Variants in CNOT6L observed in about 807,000 individuals in gnomAD.
CNOT6L encodes CCR4-NOT transcription complex subunit 6-like.
Under a neutral mutation model 64.0 loss-of-function variants are expected in CNOT6L, and 7 were observed. The ratio of observed to expected loss-of-function variants is 0.11; its 90% CI spans 0.06 to 0.21. The LOEUF (loss-of-function observed/expected upper bound fraction) is 0.21, where lower values mean the gene tolerates loss of function less well. Among genes scored for constraint, CNOT6L ranks in the 10% least tolerant of loss-of-function variants. CNOT6L has a pLI of 1.00. For missense variants in CNOT6L, 245 were observed against 669.0 expected (o/e 0.37, Z 6.99); for synonymous variants, 193 against 243.4 (o/e 0.79, Z 1.93).
At position 77,715,878 on chromosome 4, in the gene CNOT6L, A is replaced by G. The variant is rs1720698928; in HGVS notation, c.*4553T>C. ...ATTAGAACTTTGGTAAATAAGACAG[A>G]TTAAAGATGTACTAAAATGTTTGAA... On this transcript the variant is annotated 3_prime_UTR_variant, in exon 12 of 12. Coordinates refer to ENST00000504123, the MANE Select transcript of CNOT6L (RefSeq NM_144571.3). 6.6e-6 allele frequency: 1 copy of G among 152,426 alleles called. No homozygotes were observed. The highest frequency in any genetic ancestry group is 2.1e-4 in the South Asian group (1 of 4,804). 9.4% of individuals were successfully genotyped at this position (152,426 alleles called of 1,614,324 possible).
intron 1 of CNOT6L, among the ~76,000 whole-genome samples, chr4:77,794,640 G>T (rs1730593781): frequency 1.3e-5 from 2 of 152,084 alleles, no homozygotes; most frequent in Non-Finnish European, 1.5e-5. Flanking sequence ...CCTGATAAAT[G>T]GCATCAATGA....
At chr4:77,798,013 T>C (rs1014688594) in intron 1 of CNOT6L, among the ~76,000 whole-genome samples, 32 of 152,194 alleles carry the variant, frequency 2.1e-4, no homozygotes, top group African/African-American at 7.5e-4. Context: ...TCAAGAACTT[T>C]TGCTCCTTGA....
intron 8 of CNOT6L, among the ~76,000 whole-genome samples, chr4:77,734,883 T>C (rs1722785813): frequency 6.6e-6 from 1 of 152,120 alleles, no homozygotes; most frequent in Non-Finnish European, 1.5e-5. Flanking sequence ...CTCAAAATAA[T>C]TAAATTTCTC....
At chr4:77,777,854 A>G (rs1375257524) in intron 1 of CNOT6L, among the ~76,000 whole-genome samples, 1 of 152,238 alleles carries the variant, frequency 6.6e-6, no homozygotes, top group East Asian at 1.9e-4. Context: ...AAGCTAGTTT[A>G]TAAGAATGCA....
chr4:77,745,892 T>A (rs577226338), intron 6 of CNOT6L, among the ~76,000 whole-genome samples: 32 of 152,356 alleles, frequency 2.1e-4, no homozygotes, highest in African/African-American at 7.7e-4. Context: ...CTGTTTCAGA[T>A]GATGGAAAAG....
At chr4:77,740,215 A>T (rs1218982195) in intron 8 of CNOT6L, among the ~76,000 whole-genome samples, 1 of 152,078 alleles carries the variant, frequency 6.6e-6, no homozygotes, top group Non-Finnish European at 1.5e-5. Context: ...TACAAAAAAT[A>T]CAAAAATTAG....
intron 1 of CNOT6L, among the ~76,000 whole-genome samples, chr4:77,778,782 C>A (rs537652056): frequency 1.3e-5 from 2 of 151,360 alleles, no homozygotes; most frequent in Admixed American, 6.6e-5. Context: ...CGGTGGCTCA[C>A]GCATGTAATC....
At chr4:77,798,450 G>A (rs946202303) in intron 1 of CNOT6L, among the ~76,000 whole-genome samples, 2 of 152,128 alleles carry the variant, frequency 1.3e-5, no homozygotes, top group African/African-American at 4.8e-5. Flanking sequence ...TTTCTAATGG[G>A]CAAAACATTT....
intron 1 of CNOT6L, among the ~76,000 whole-genome samples, chr4:77,799,492 G>C (rs1731255982): frequency 6.6e-6 from 1 of 151,992 alleles, no homozygotes; most frequent in African/African-American, 2.4e-5. Flanking sequence ...ATCACCTGAG[G>C]TCAAGAGTTC....
chr4:77,768,356 C>T (rs1727097152), intron 4 of CNOT6L, among the ~76,000 whole-genome samples: 1 of 151,428 alleles, frequency 6.6e-6, no homozygotes, highest in Non-Finnish European at 1.5e-5. Context: ...ATCCCAACTA[C>T]TTGGGAAGCT....
At chr4:77,811,108 A>G (rs991323046) in intron 1 of CNOT6L, among the ~76,000 whole-genome samples, 6 of 152,194 alleles carry the variant, frequency 3.9e-5, no homozygotes. Context: ...CTAGCTATCA[A>G]GCTATTCAGT....
At position 77,765,831 on chromosome 4, in the gene CNOT6L, GGGGAAGCAAGACTA is replaced by G. The variant is rs1726762234; in HGVS notation, c.400+7236_400+7249del. Among the ~76,000 whole-genome samples the G allele has an allele frequency of 2.6e-5, 4 of 152,134 alleles. 1 individual carries two copies. The South Asian group carries it at 8.3e-4, about 32-fold the overall frequency. ...ATTACTATCATGTAACTGTTACCCT[GGGGAAGCAAGACTA>G]GTAGCTTTTCGCTATTTTGCTACAA... On this transcript the variant is annotated intron_variant, in intron 4 of 11. Transcript: ENST00000504123.
At position 77,772,882 on chromosome 4, in the gene CNOT6L, C is replaced by T. The variant is rs182955026; in HGVS notation, c.400+199G>A. The stretch of plus-strand genomic sequence containing the variant: ...AGCTTGCAGTGAGCCAAGATTGCGC[C>T]ACTGCACTCCAGCCTGGGCGACAGA... On this transcript the variant is annotated intron_variant, in intron 4 of 11. Transcript: ENST00000504123. 7.8e-4 allele frequency among the ~76,000 whole-genome samples: 119 copies of T among 152,286 alleles called. 1 individual carries two copies. In the East Asian group the frequency reaches 0.02, roughly 25 times the overall value.
intron 8 of CNOT6L, among the ~76,000 whole-genome samples, chr4:77,741,487 C>T (rs1465656599): frequency 1.3e-5 from 2 of 152,142 alleles, no homozygotes; most frequent in South Asian, 2.1e-4. Context: ...TTTCCATTGC[C>T]CTGTCTCAGT....
chr4:77,736,558 T>A (rs1460443726), intron 8 of CNOT6L, among the ~76,000 whole-genome samples: 9 of 152,168 alleles, frequency 5.9e-5, no homozygotes, highest in Non-Finnish European at 8.8e-5. Context: ...CAGATTTCCA[T>A]ACAGGTAACA....
intron 1 of CNOT6L, among the ~76,000 whole-genome samples, chr4:77,801,691 G>GGT (rs1731585381): frequency 2.0e-4 from 1 of 4,882 alleles, no homozygotes; most frequent in Non-Finnish European, 5.6e-4. Context: ...GATAAAAATT[G>GGT]GGGGGGGGGG....
chr4:77,771,493 G>T (rs1340971869), intron 4 of CNOT6L, among the ~76,000 whole-genome samples: 1 of 152,126 alleles, frequency 6.6e-6, no homozygotes, highest in East Asian at 1.9e-4. Flanking sequence ...AGAAAATGAG[G>T]TGAAATGTCT....
chr4:77,820,137 C>A (rs1734116741), upstream of CNOT6L, among the ~76,000 whole-genome samples: 1 of 152,090 alleles, frequency 6.6e-6, no homozygotes, highest in Non-Finnish European at 1.5e-5. Context: ...CCTTCGCTCC[C>A]GCTCACACAC....
intron 1 of CNOT6L, among the ~76,000 whole-genome samples, chr4:77,781,882 C>T (rs1291385017): frequency 1.3e-5 from 2 of 152,176 alleles, no homozygotes; most frequent in African/African-American, 2.4e-5. Flanking sequence ...CTACAAGCAC[C>T]AGAGTGCTTC....
Sources: gnomAD v4.1 joint callset for allele counts (sites outside exome capture counted in the v4.1 genomes callset) on GRCh38, gnomAD v4.1.1 for gene constraint, MANE v1.5 for transcripts, NCBI Gene and HGNC (gene_info 2026-07-23, HGNC 2026-07-21) for gene names.